The following ERCC4 variants were observed in gnomAD, a reference collection of about 807,000 sequenced individuals.
The protein encoded by ERCC4 is ERCC excision repair 4, endonuclease catalytic subunit, also known as DNA repair endonuclease XPF.
ERCC4 carries 65 observed loss-of-function variants against 76.9 expected under a neutral mutation model. The observed-to-expected ratio is 0.84, with a 90% CI of 0.69 to 1.04. The LOEUF (loss-of-function observed/expected upper bound fraction) is 1.04, where lower values mean the gene tolerates loss of function less well. Among genes scored for constraint, ERCC4 ranks in the 50% least tolerant of loss-of-function variants. The probability of loss-of-function intolerance (pLI) is 0.00; values close to 1 mark genes in which losing one functional copy is unlikely to be tolerated. For missense variants in ERCC4, 1,214 were observed against 1,128.2 expected, an observed-to-expected ratio of 1.08 and a Z score of -1.09; for synonymous variants, 463 against 410.1, an observed-to-expected ratio of 1.13 and a Z score of -1.56.
chr16:13,944,903 C>A, intron 10 of ERCC4, 68 bp downstream of exon 10: 1 of 1,027,170 alleles, frequency 9.7e-7, no homozygotes, highest in Non-Finnish European at 1.5e-6. Flanking sequence ...CAGAGTTACT[C>A]TGCCAAGGCT....
chr16:13,937,573 G>A (rs1212428109), intron 8 of ERCC4, among the ~76,000 whole-genome samples, 193 bp from the exon 9 acceptor site: 1 of 152,164 alleles, frequency 6.6e-6, no homozygotes, highest in African/African-American at 2.4e-5. Flanking sequence ...TGCCCTGTGT[G>A]GTAACGAGAC....
chr16:13,935,573 G>T lies in ERCC4; in HGVS notation c.1641G>T (p.Leu547=), dbSNP rs1264509848. The T allele has an allele frequency of 6.2e-7, 1 of 1,614,062 alleles. No homozygotes were observed. Among genetic ancestry groups the T allele is most frequent in the African/African-American group, 1.3e-5 (1 of 74,912 alleles). The change falls in exon 8 of 11, where the codon CTG becomes CTT. Residue 547 remains leucine (L), a synonymous_variant. Coordinates refer to ENST00000311895, the MANE Select transcript of ERCC4 (RefSeq NM_005236.3). ...CATCGGATGCTGCTTTCGGAATCCTGAAAGAACCCCTCACTATCATCCATC... is the reference window on the plus strand; with the variant it reads ...CATCGGATGCTGCTTTCGGAATCCTTAAAGAACCCCTCACTATCATCCATC... ...NLSSDAAFGI[L]KEPLTIIHPL...
In ERCC4 at chr16:13,920,164, C is replaced by T. The variant is rs753601029; in HGVS notation, c.-2C>T. 3 of 1,604,668 alleles carry T rather than the reference C, an allele frequency of 1.9e-6. No individual in the cohort carries two copies. Among genetic ancestry groups the T allele is most frequent in the Admixed American group, 3.3e-5 (2 of 60,020 alleles). Reference sequence around the variant, plus strand: ...GTTCGGCTGCGACCCGGAAGAGCTTCCATGGAGTCAGGGCAGCCGGCTCGA... The same window carrying T: ...GTTCGGCTGCGACCCGGAAGAGCTTTCATGGAGTCAGGGCAGCCGGCTCGA... On this transcript the variant is annotated 5_prime_UTR_variant, in exon 1 of 11. Coordinates refer to ENST00000311895, the MANE Select transcript of ERCC4 (RefSeq NM_005236.3).
Position 13,947,615 on chromosome 16 carries a change from TG to T in ERCC4, c.2021del (p.Gly674AlafsTer11). 1 of 1,614,194 alleles carries T rather than the reference TG, an allele frequency of 6.2e-7. No homozygotes were observed. Among genetic ancestry groups the T allele is most frequent in the Middle Eastern group, 1.6e-4 (1 of 6,062 alleles). On this transcript the variant is annotated frameshift_variant and splice_region_variant, in exon 11 of 11. Transcript: ENST00000311895. LOFTEE classifies it high-confidence loss of function. ...ACATTACTTACTTTTTCTCTGTAGG[TG>T]GCCAGGAACAGAATGGTACACAGCA... Reference protein sequence around the residue: ...DVSTDTRKAGGQEQNGTQQSI... With the variant: ...DVSTDTRKAGXQEQNGTQQSI...
At chr16:13,947,460 C>T (rs1234071671) in intron 10 of ERCC4, among the ~76,000 whole-genome samples, 154 bp from the exon 11 acceptor site, 1 of 152,164 alleles carries the variant, frequency 6.6e-6, no homozygotes, top group Non-Finnish European at 1.5e-5. Context: ...ATAAACAAAT[C>T]TTTTTGAAAA....
rs2032482783 is a variant in ERCC4, at chr16:13,944,744, C to T, written c.1926C>T (p.Val642=). 1 of 1,613,434 alleles carries T rather than the reference C, an allele frequency of 6.2e-7. No homozygotes were observed. Among genetic ancestry groups the T allele is most frequent in the Non-Finnish European group, 8.5e-7 (1 of 1,179,390 alleles). Residue 642 remains valine, a synonymous_variant, in exon 10 of 11, where the codon GTC becomes GTT. Transcript: ENST00000311895. The part of the protein sequence containing the change: ...KLIREKASMV[V]PEEREGRDET... ...ACAGGGAAAAAGCAAGCATGGTTGT[C>T]CCTGAAGAAAGAGAAGGCAGAGATG...
intron 2 of ERCC4, among the ~76,000 whole-genome samples, chr16:13,923,664 A>G (rs1338351339): frequency 6.6e-6 from 1 of 152,192 alleles, no homozygotes; most frequent in Non-Finnish European, 1.5e-5. Flanking sequence ...TCATTAAGAA[A>G]ACAGTGCTTC....
chr16:13,944,818 C>A lies in ERCC4; in HGVS notation c.2000C>A (p.Thr667Asn), dbSNP rs200317919. ...GGCACAGCATCTGCAGATGTTTCCA[C>A]TGACACTCGGAAAGCCGGTGAGTCC... ...VRGTASADVSTDTRKAGGQEQ... is the reference protein window; with the variant it reads ...VRGTASADVSNDTRKAGGQEQ... The change falls in exon 10 of 11, where the codon ACT becomes AAT. Residue 667 changes from threonine (T) to asparagine (N), a missense_variant. Coordinates refer to ENST00000311895, the MANE Select transcript of ERCC4 (RefSeq NM_005236.3). 1.2e-6 allele frequency: 2 copies of A among 1,611,712 alleles called. No individual in the cohort carries two copies. Among genetic ancestry groups the A allele is most frequent in the African/African-American group, 1.3e-5 (1 of 75,020 alleles).
intron 2 of ERCC4, 148 bp from the exon 3 acceptor site, chr16:13,926,413 C>T: frequency 2.8e-6 from 2 of 723,288 alleles, no homozygotes; most frequent in Non-Finnish European, 5.0e-6. Context: ...TCCTTGAGGA[C>T]AGGGATTTAT....
Position 13,935,229 on chromosome 16 carries a change from T to C in ERCC4, c.1297T>C (p.Leu433=), listed in dbSNP as rs116615540. 4.5e-5 allele frequency: 73 copies of C among 1,614,116 alleles called. No individual in the cohort carries two copies. The African/African-American group carries it at 8.4e-4, about 19-fold the overall frequency. The change falls in exon 8 of 11, where the codon TTG becomes CTG. Residue 433 remains leucine (L), a synonymous_variant. Transcript: ENST00000311895. ...CACTCTTGGAGCGGAGGCCTTCTTATTGAGGCTCTACAGGAAAACCTTTGA... is the reference window on the plus strand; with the variant it reads ...CACTCTTGGAGCGGAGGCCTTCTTACTGAGGCTCTACAGGAAAACCTTTGA... ...YITLGAEAFL[L]RLYRKTFEKD...
chr16:13,939,959 TA>T (rs1188803929), intron 9 of ERCC4, among the ~76,000 whole-genome samples: 2 of 152,188 alleles, frequency 1.3e-5, no homozygotes, highest in African/African-American at 2.4e-5. Context: ...TGCACAGAGC[TA>T]AAATACTCAG....
intron 9 of ERCC4, among the ~76,000 whole-genome samples, chr16:13,938,595 A>C (rs1285856733): frequency 1.3e-5 from 2 of 152,224 alleles, no homozygotes; most frequent in Non-Finnish European, 2.9e-5. Context: ...AGCCAGGGCA[A>C]GTGCTGGATG....
intron 10 of ERCC4, among the ~76,000 whole-genome samples, chr16:13,946,873 G>T (rs1019885528): frequency 7.2e-5 from 11 of 152,092 alleles, no homozygotes; most frequent in Non-Finnish European, 1.0e-4. Context: ...CAATTCTCCT[G>T]CCACAGCCTC....
intron 1 of ERCC4, among the ~76,000 whole-genome samples, 166 bp downstream of exon 1, chr16:13,920,538 G>C (rs957776550): frequency 6.6e-6 from 1 of 152,142 alleles, no homozygotes; most frequent in African/African-American, 2.4e-5. Context: ...GGGGGATGCA[G>C]GTCCCTCACA....
Position 13,947,674 on chromosome 16 carries a change from G to T in ERCC4, c.2078G>T (p.Ser693Ile), listed in dbSNP as rs746784825. ...SIVVDMREFRSELPSLIHRRG... is the reference protein window; with the variant it reads ...SIVVDMREFRIELPSLIHRRG... ...GTTGTGGATATGCGTGAATTTCGAAGTGAGCTTCCATCTCTGATCCATCGT... is the reference window on the plus strand; with the variant it reads ...GTTGTGGATATGCGTGAATTTCGAATTGAGCTTCCATCTCTGATCCATCGT... The change falls in exon 11 of 11, where the codon AGT becomes ATT. Residue 693 changes from serine (S) to isoleucine (I), a missense_variant. Coordinates refer to ENST00000311895, the MANE Select transcript of ERCC4 (RefSeq NM_005236.3). 1.2e-6 allele frequency: 2 copies of T among 1,614,246 alleles called. No homozygotes were observed. The highest frequency in any genetic ancestry group is 3.3e-5 in the Admixed American group (2 of 60,030).
Position 13,920,468 on chromosome 16 carries a change from A to AG in ERCC4, c.207+101dup, listed in dbSNP as rs757854441. 981 of 1,100,036 alleles carry AG rather than the reference A, an allele frequency of 8.9e-4. 9 individuals are homozygous for AG. Among genetic ancestry groups the AG allele is most frequent in the Middle Eastern group, 2.3e-3 (8 of 3,544 alleles). The allele number at this position is 1,100,036 out of a possible 1,614,324, so 68.1% of individuals were successfully genotyped here. ...CTCTGACAGGGATGGAGGGGCTCTG[A>AG]GGGGGATTCAGGCCCCTGACACTAC... On this transcript the variant is annotated intron_variant, in intron 1 of 10. Coordinates refer to ENST00000311895, the MANE Select transcript of ERCC4 (RefSeq NM_005236.3).
chr16:13,949,447 C>G lies in ERCC4; in HGVS notation c.*1100C>G, dbSNP rs1412979474. 4.3e-6 allele frequency: 1 copy of G among 233,036 alleles called. No individual in the cohort carries two copies. Among genetic ancestry groups the G allele is most frequent in the Non-Finnish European group, 8.5e-6 (1 of 117,992 alleles). The allele number at this position is 233,036 out of a possible 1,614,324, so 14.4% of individuals were successfully genotyped here. A position where few individuals can be genotyped will look rare whatever the true frequency, so the allele number is the denominator to read the frequency against. Reference sequence around the variant, plus strand: ...AGAAATACAACCTAAGCTCACCTGCCTGTGATTCCTCATTTCTCACCATCC... The same window carrying G: ...AGAAATACAACCTAAGCTCACCTGCGTGTGATTCCTCATTTCTCACCATCC... On this transcript the variant is annotated 3_prime_UTR_variant, in exon 11 of 11. Coordinates refer to ENST00000311895, the MANE Select transcript of ERCC4 (RefSeq NM_005236.3).
rs745648039 is a variant in ERCC4 at position 13,926,573 on chromosome 16, A to G, written c.401A>G (p.Tyr134Cys). The G allele has an allele frequency of 2.5e-6, 4 of 1,613,934 alleles. No homozygotes were observed. Among genetic ancestry groups the G allele is most frequent in the African/African-American group, 1.3e-5 (1 of 74,938 alleles). Reference sequence around the variant, plus strand: ...TTCTCCCCCTCAGGCATCTTGGTGTATAGAGCCCACAGAATAATCGAGTCT... The same window carrying G: ...TTCTCCCCCTCAGGCATCTTGGTGTGTAGAGCCCACAGAATAATCGAGTCT... ...PSDLITGILV[Y>C]RAHRIIESCQ... The change falls in exon 3 of 11, where the codon TAT (tyrosine) becomes TGT (cysteine). Residue 134 changes from tyrosine (Y) to cysteine (C), a missense_variant. Tyr to Cys is a radical substitution (Grantham distance 194, BLOSUM62 -2). Coordinates refer to ENST00000311895, the MANE Select transcript of ERCC4 (RefSeq NM_005236.3).
chr16:13,946,596 C>T (rs1189465389), intron 10 of ERCC4, among the ~76,000 whole-genome samples: 1 of 152,174 alleles, frequency 6.6e-6, no homozygotes, highest in East Asian at 1.9e-4. Context: ...GACATCTTTG[C>T]GGGGTACCAT....
Sources: allele counts gnomAD v4.1 joint callset (sites outside exome capture counted in the v4.1 genomes callset), GRCh38; gene constraint gnomAD v4.1.1; transcripts MANE v1.5; gene names NCBI Gene and HGNC (gene_info 2026-07-23, HGNC 2026-07-21).